Variants in PHACTR1 observed in about 807,000 individuals in gnomAD.
The protein encoded by PHACTR1 is RPEL repeat containing 1.
Under a neutral mutation model 69.2 loss-of-function variants are expected in PHACTR1, and 16 were observed. The observed-to-expected ratio is 0.23, with a 90% CI of 0.16 to 0.35. PHACTR1 has a LOEUF of 0.35. Among genes scored for constraint, PHACTR1 ranks in the 10% least tolerant of loss-of-function variants. The pLI is 1.00. For synonymous variants in PHACTR1, 312 were observed against 284.5 expected (o/e 1.10, Z -0.97); for missense variants, 510 against 734.7 (o/e 0.69, Z 3.54).
chr6:13,082,228 T>C (rs1393353179), intron 5 of PHACTR1, among the ~76,000 whole-genome samples: 2 of 152,140 alleles, frequency 1.3e-5, no homozygotes, highest in East Asian at 3.9e-4. Flanking sequence ...GTATGTTTCC[T>C]TCTCCTCCAC....
intron 10 of PHACTR1, among the ~76,000 whole-genome samples, chr6:13,270,878 C>T (rs1458105633): frequency 6.6e-6 from 1 of 152,110 alleles, no homozygotes; most frequent in Non-Finnish European, 1.5e-5. Flanking sequence ...CTGGCATTTG[C>T]TTGACTTCTA....
chr6:12,837,484 C>G (rs1481070743), intron 4 of PHACTR1, among the ~76,000 whole-genome samples: 1 of 152,106 alleles, frequency 6.6e-6, no homozygotes, highest in Non-Finnish European at 1.5e-5. Flanking sequence ...CTCATCAGTC[C>G]TATTAGTTCC....
chr6:12,782,398 G>T (rs1428199712), intron 4 of PHACTR1, among the ~76,000 whole-genome samples: 1 of 152,148 alleles, frequency 6.6e-6, no homozygotes, highest in African/African-American at 2.4e-5. Context: ...GACCCTTCCA[G>T]TATAATGTCA....
intron 4 of PHACTR1, among the ~76,000 whole-genome samples, chr6:12,768,109 CTTT>C (rs781107897): frequency 9.3e-6 from 1 of 107,554 alleles, no homozygotes; most frequent in Admixed American, 1.1e-4. Flanking sequence ...CTATCAAATC[CTTT>C]TTTTTTTTTT....
intron 4 of PHACTR1, among the ~76,000 whole-genome samples, chr6:12,948,629 G>T (rs777638300): frequency 3.9e-5 from 6 of 152,166 alleles, no homozygotes; most frequent in Non-Finnish European, 8.8e-5. Flanking sequence ...AGTAATAATG[G>T]TCAAGATTTA....
At chr6:13,231,241 AAAG>A (rs1339962602) in intron 10 of PHACTR1, among the ~76,000 whole-genome samples, 1 of 142,324 alleles carries the variant, frequency 7.0e-6, no homozygotes, top group Non-Finnish European at 1.5e-5. Flanking sequence ...AGAGAGAAAG[AAAG>A]AAGGAAAGAG....
intron 5 of PHACTR1, among the ~76,000 whole-genome samples, chr6:13,106,209 A>C (rs955663757): frequency 7.2e-5 from 11 of 152,210 alleles, no homozygotes; most frequent in Admixed American, 7.2e-4. Context: ...AGGATATTCT[A>C]TATAAACAAT....
chr6:13,186,255 G>C (rs559798784), intron 7 of PHACTR1, among the ~76,000 whole-genome samples: 2 of 152,302 alleles, frequency 1.3e-5, no homozygotes, highest in Admixed American at 6.5e-5. Context: ...CTGTCCATCT[G>C]TCTGTCTATT....
In PHACTR1 at chr6:12,886,313, T is replaced by C. The variant is rs1431382022; in HGVS notation, c.250+136523T>C. Reference sequence around the variant, plus strand: ...ATTCAAAGGTCACAGACTTACACTTTCCTGAAAATGAAGGAAAACTTTTAA... The same window carrying C: ...ATTCAAAGGTCACAGACTTACACTTCCCTGAAAATGAAGGAAAACTTTTAA... On this transcript the variant is annotated intron_variant, in intron 4 of 14. Coordinates refer to ENST00000332995, the MANE Select transcript of PHACTR1 (RefSeq NM_030948.6). 2.6e-5 allele frequency among the ~76,000 whole-genome samples: 4 copies of C among 152,120 alleles called. No individual in the cohort carries two copies. In the South Asian group the frequency reaches 6.2e-4, roughly 24 times the overall value.
At chr6:12,741,686 A>T (rs1765066453) in intron 3 of PHACTR1, among the ~76,000 whole-genome samples, 1 of 151,258 alleles carries the variant, frequency 6.6e-6, no homozygotes, top group African/African-American at 2.4e-5. Context: ...TAATCCTCCA[A>T]CTTTACTCTT....
chr6:13,184,168 G>A (rs543220475), intron 7 of PHACTR1, among the ~76,000 whole-genome samples: 1 of 152,294 alleles, frequency 6.6e-6, no homozygotes, highest in East Asian at 1.9e-4. Flanking sequence ...GCTCAGCGCC[G>A]GGCACTCCAG....
At chr6:12,723,037 AC>A (rs1762318588) in intron 3 of PHACTR1, among the ~76,000 whole-genome samples, 3 of 152,230 alleles carry the variant, frequency 2.0e-5, no homozygotes, top group Admixed American at 1.3e-4. Flanking sequence ...TTTGTAGTGA[AC>A]AATTGAACTT....
intron 8 of PHACTR1, among the ~76,000 whole-genome samples, chr6:13,225,673 C>T (rs1378799237): frequency 6.6e-6 from 1 of 152,116 alleles, no homozygotes; most frequent in Non-Finnish European, 1.5e-5. Context: ...CAACTTTTTT[C>T]CTTAAAAGAT....
At chr6:13,165,298 A>G (rs1759628567) in intron 6 of PHACTR1, among the ~76,000 whole-genome samples, 1 of 152,220 alleles carries the variant, frequency 6.6e-6, no homozygotes, top group Non-Finnish European at 1.5e-5. Context: ...ATAGTTCGAC[A>G]GTTTATTTTT....
At chr6:13,116,794 G>C (rs1475846167) in intron 5 of PHACTR1, among the ~76,000 whole-genome samples, 1 of 152,154 alleles carries the variant, frequency 6.6e-6, no homozygotes, top group Non-Finnish European at 1.5e-5. Flanking sequence ...CATTTTATTT[G>C]AGTGATCTCA....
chr6:12,785,054 C>T (rs1197276366), intron 4 of PHACTR1, among the ~76,000 whole-genome samples: 1 of 151,690 alleles, frequency 6.6e-6, no homozygotes, highest in African/African-American at 2.4e-5. Context: ...TATCTATACA[C>T]ATACACACAT....
At chr6:12,757,335 C>T (rs571935172) in intron 4 of PHACTR1, among the ~76,000 whole-genome samples, 72 of 151,920 alleles carry the variant, frequency 4.7e-4, no homozygotes, top group African/African-American at 1.5e-3. Flanking sequence ...GGAAGGGAGA[C>T]GAAGAGGGGG....
At chr6:12,902,376 G>T (rs960286911) in intron 4 of PHACTR1, among the ~76,000 whole-genome samples, 3 of 152,174 alleles carry the variant, frequency 2.0e-5, no homozygotes, top group African/African-American at 2.4e-5. Flanking sequence ...TGACCAGAGA[G>T]CACACAACTG....
chr6:13,248,171 C>T (rs1336114589), intron 10 of PHACTR1, among the ~76,000 whole-genome samples: 3 of 152,192 alleles, frequency 2.0e-5, no homozygotes, highest in Non-Finnish European at 4.4e-5. Context: ...TCTCTCTTCA[C>T]AGTTCTTAAT....
Sources: allele counts gnomAD v4.1 joint callset (sites outside exome capture counted in the v4.1 genomes callset), GRCh38; gene constraint gnomAD v4.1.1; transcripts MANE v1.5; gene names NCBI Gene and HGNC (gene_info 2026-07-23, HGNC 2026-07-21).